Variants in TTYH1 observed in about 807,000 individuals in gnomAD.
The protein encoded by TTYH1 is protein tweety homolog 1.
A neutral mutation model predicts 61.2 loss-of-function variants in TTYH1; 33 were observed. That is an observed-to-expected ratio of 0.54 (90% CI 0.41 to 0.72). TTYH1 has a LOEUF of 0.72. Among genes scored for constraint, TTYH1 ranks in the 30% least tolerant of loss-of-function variants. The probability of loss-of-function intolerance (pLI) is 0.00; values close to 1 mark genes in which losing one functional copy is unlikely to be tolerated. For missense variants in TTYH1, 538 were observed against 575.8 expected, an observed-to-expected ratio of 0.93 and a Z score of 0.67; for synonymous variants, 308 against 266.4, an observed-to-expected ratio of 1.16 and a Z score of -1.52.
At position 54,436,080 on chromosome 19, in the gene TTYH1, TCTC is replaced by T; in HGVS notation, c.1315-8_1315-6del. On this transcript the variant is annotated splice_polypyrimidine_tract_variant and splice_region_variant and intron_variant, in intron 12 of 13. Transcript: ENST00000376530. This position sits in a 1 kb window ranked among gnomAD's most constrained non-coding sequence, Gnocchi z 4.3. The stretch of plus-strand genomic sequence containing the variant: ...CCCTCCTCTCCCCCGCTACCCCGAA[TCTC>T]CTAGCAGGAATCCAAGCGCTTTGTG... 1 of 1,613,686 alleles carries T rather than the reference TCTC, an allele frequency of 6.2e-7. No individual in the cohort carries two copies. Among genetic ancestry groups the T allele is most frequent in the Non-Finnish European group, 8.5e-7 (1 of 1,179,716 alleles).
rs2083325268 is a variant in TTYH1 at position 54,426,663 on chromosome 19, C to T, written c.639-10C>T. 3 of 1,612,360 alleles carry T rather than the reference C, an allele frequency of 1.9e-6. No homozygotes were observed. Among genetic ancestry groups the T allele is most frequent in the Non-Finnish European group, 2.5e-6 (3 of 1,178,848 alleles). ...GTTTGTGGTTTCAGCCCTACCCTCTCCCCTCCCAGGTGGCTGGCCTACGTC... is the reference window on the plus strand; with the variant it reads ...GTTTGTGGTTTCAGCCCTACCCTCTTCCCTCCCAGGTGGCTGGCCTACGTC... On this transcript the variant is annotated splice_polypyrimidine_tract_variant and intron_variant, in intron 4 of 13. Coordinates refer to ENST00000376530, the MANE Select transcript of TTYH1 (RefSeq NM_020659.4).
rs753099742 is a variant in TTYH1 at position 54,416,806 on chromosome 19, G to C, written c.126+1128G>C. 1 of 1,294,066 alleles carries C rather than the reference G, an allele frequency of 7.7e-7. No homozygotes were observed. The highest frequency in any genetic ancestry group is 1.2e-5 in the South Asian group (1 of 81,014). The allele number at this position is 1,294,066 out of a possible 1,614,324, so 80.2% of individuals were successfully genotyped here. On this transcript the variant is annotated intron_variant, in intron 1 of 13. Transcript: ENST00000376530. The surrounding 1 kb of genome is among the most constrained non-coding windows in gnomAD (Gnocchi z 7.0). ...GCCCACAGCCTCGCGGTTACACAAC[G>C]GCCACCTCCAACAACGCCGCTCCAC...
At chr19:54,427,472 CGG>C (rs2083347459) in intron 5 of TTYH1, among the ~76,000 whole-genome samples, 1 of 150,906 alleles carries the variant, frequency 6.6e-6, no homozygotes, top group African/African-American at 2.4e-5. Flanking sequence ...GGCGTGGTGG[CGG>C]GCGCCTATAG....
chr19:54,426,890 A>T (rs1263928648), intron 5 of TTYH1, 122 bp downstream of exon 5: 8 of 853,938 alleles, frequency 9.4e-6, no homozygotes, highest in Non-Finnish European at 7.2e-6. Context: ...ACACACGAAG[A>T]AAAGAGAGTC....
At chr19:54,430,470 C>T (rs1319711835) in intron 7 of TTYH1, 80 bp from the exon 8 acceptor site, 1 of 1,511,156 alleles carries the variant, frequency 6.6e-7, no homozygotes, top group African/African-American at 1.4e-5. Flanking sequence ...CCTGCTAACC[C>T]CCCAGTGCCC....
Position 54,416,174 on chromosome 19 carries a change from T to C in TTYH1, c.126+496T>C, listed in dbSNP as rs753827472. 1.3e-4 allele frequency: 115 copies of C among 853,678 alleles called. No homozygotes were observed. The highest frequency in any genetic ancestry group is 2.7e-4 in the Middle Eastern group (1 of 3,710). The allele number at this position is 853,678 out of a possible 1,614,324, so 52.9% of individuals were successfully genotyped here. On this transcript the variant is annotated intron_variant, in intron 1 of 13. Coordinates refer to ENST00000376530, the MANE Select transcript of TTYH1 (RefSeq NM_020659.4). This position sits in a 1 kb window ranked among gnomAD's most constrained non-coding sequence, Gnocchi z 7.0. The stretch of plus-strand genomic sequence containing the variant: ...CTGGGATGGGATTGAGAGTCTGAAA[T>C]GGGGAAGGGGGCTTCAGGGGCTGAG...
rs3745433 is a variant in TTYH1, at chr19:54,419,257, G to A, written c.256G>A (p.Gly86Arg). Reference protein sequence around the residue: ...EPPGSKIPSPGGGCVTWSCIV... With the variant: ...EPPGSKIPSPRGGCVTWSCIV... ...CCCCGGGTCCAAGATCCCCTCGCCC[G>A]GGGGAGGCTGCGTCACCTGGAGCTG... Residue 86 changes from glycine to arginine, a missense_variant, in exon 2 of 14, where the codon GGG becomes AGG. Coordinates refer to ENST00000376530, the MANE Select transcript of TTYH1 (RefSeq NM_020659.4). The surrounding 1 kb of genome is among the most constrained non-coding windows in gnomAD (Gnocchi z 6.1). The A allele has an allele frequency of 2.7e-4, 438 of 1,606,370 alleles. 3 individuals carry two copies. In the East Asian group the frequency reaches 5.2e-3, roughly 19 times the overall value.
In TTYH1 at chr19:54,420,916, AAGGGTGTGGGGC is replaced by A; in HGVS notation, c.306-357_306-346del. On this transcript the variant is annotated intron_variant, in intron 2 of 13. Coordinates refer to ENST00000376530, the MANE Select transcript of TTYH1 (RefSeq NM_020659.4). The surrounding 1 kb of genome is among the most constrained non-coding windows in gnomAD (Gnocchi z 4.8). Reference sequence around the variant, plus strand: ...GCCTGCCTGGCAAAGGATGCGGGGGAAGGGTGTGGGGCAGGCAGTCCTAGGGAGGGGAAGACG... The same window carrying A: ...GCCTGCCTGGCAAAGGATGCGGGGGAAGGCAGTCCTAGGGAGGGGAAGACG... 3.0e-6 allele frequency: 1 copy of A among 330,472 alleles called. No individual in the cohort carries two copies. Among genetic ancestry groups the A allele is most frequent in the Non-Finnish European group, 6.2e-6 (1 of 162,218 alleles). 20.5% of individuals were successfully genotyped at this position (330,472 alleles called of 1,614,324 possible).
Position 54,434,012 on chromosome 19 carries a change from G to A in TTYH1, c.1126-1530G>A, listed in dbSNP as rs771159066. 2.6e-5 allele frequency among the ~76,000 whole-genome samples: 4 copies of A among 152,050 alleles called. No individual in the cohort carries two copies. Among genetic ancestry groups the A allele is most frequent in the Non-Finnish European group, 4.4e-5 (3 of 68,020 alleles). On this transcript the variant is annotated intron_variant, in intron 10 of 13. Transcript: ENST00000376530. This position sits in a 1 kb window ranked among gnomAD's most constrained non-coding sequence, Gnocchi z 4.3. ...CAGGTCCGTACCCCAACCCTCACTG[G>A]CTTAGTAACAGACACCCCACCTCAA...
chr19:54,436,141 C>G lies in TTYH1; in HGVS notation c.*12C>G. On this transcript the variant is annotated 3_prime_UTR_variant, in exon 13 of 14. Coordinates refer to ENST00000376530, the MANE Select transcript of TTYH1 (RefSeq NM_020659.4). This position sits in a 1 kb window ranked among gnomAD's most constrained non-coding sequence, Gnocchi z 4.3. ...AGTCGTCTATCTGAGCCCCTCCTCC[C>G]GGCTGGACTGGAGCCTGGCTCCCCT... 2.5e-6 allele frequency: 4 copies of G among 1,614,134 alleles called. No individual in the cohort carries two copies. The highest frequency in any genetic ancestry group is 3.4e-6 in the Non-Finnish European group (4 of 1,179,980).
intron 5 of TTYH1, among the ~76,000 whole-genome samples, chr19:54,427,327 T>C (rs113072192): frequency 0.36 from 35,991 of 99,524 alleles, 7,076 homozygotes; most frequent in Non-Finnish European, 0.4. Context: ...AAAAAAAGGC[T>C]GGGCGTGGTG....
In TTYH1 at chr19:54,416,249, G is replaced by T. The variant is rs1361520048; in HGVS notation, c.126+571G>T. On this transcript the variant is annotated intron_variant, in intron 1 of 13. Transcript: ENST00000376530. The surrounding 1 kb of genome is among the most constrained non-coding windows in gnomAD (Gnocchi z 7.0). ...CTCTGGGAGAGGAAGCTTCTTGCCCGTCCCAAGAAAGAAGGGGTGGTCAGG... is the reference window on the plus strand; with the variant it reads ...CTCTGGGAGAGGAAGCTTCTTGCCCTTCCCAAGAAAGAAGGGGTGGTCAGG... 2 of 344,636 alleles carry T rather than the reference G, an allele frequency of 5.8e-6. No homozygotes were observed. The highest frequency in any genetic ancestry group is 5.8e-6 in the Non-Finnish European group (1 of 171,972). The allele number at this position is 344,636 out of a possible 1,614,324, so 21.3% of individuals were successfully genotyped here.
At position 54,435,829 on chromosome 19, in the gene TTYH1, G is replaced by A. The variant is rs768159304; in HGVS notation, c.1270G>A (p.Asp424Asn). The A allele has an allele frequency of 1.2e-6, 2 of 1,613,650 alleles. No individual in the cohort carries two copies. Among genetic ancestry groups the A allele is most frequent in the Admixed American group, 1.7e-5 (1 of 60,022 alleles). ...GCCATGCCCCGCATCAAACCCCAGT[G>A]ACGACTACGATGACACAGACGATGA... ...PRAWALFPPSDDYDDTDDDDP... is the reference protein window; with the variant it reads ...PRAWALFPPSNDYDDTDDDDP... The change falls in exon 12 of 14, where the codon GAC (aspartate) becomes AAC (asparagine). Residue 424 changes from aspartate to asparagine, a missense_variant and splice_region_variant. Asp to Asn is a conservative substitution (Grantham distance 23). Around this residue, in one of 3 missense-constraint regions of TTYH1, gnomAD observed 378 missense variants for 401.2 expected, o/e 0.94. Coordinates refer to ENST00000376530, the MANE Select transcript of TTYH1 (RefSeq NM_020659.4).
Position 54,415,628 on chromosome 19 carries a change from C to T in TTYH1, c.76C>T (p.Leu26Phe). The T allele has an allele frequency of 1.3e-6, 2 of 1,566,774 alleles. No homozygotes were observed. Among genetic ancestry groups the T allele is most frequent in the African/African-American group, 1.4e-5 (1 of 73,510 alleles). The change falls in exon 1 of 14, where the codon CTC becomes TTC. Residue 26 changes from leucine (L) to phenylalanine (F), a missense_variant. By Grantham distance (22) the Leu-to-Phe change is conservative. Transcript: ENST00000376530. The surrounding 1 kb of genome is among the most constrained non-coding windows in gnomAD (Gnocchi z 5.2). ...LHQLPRADFQ[L>F]RPVPSVFAPQ... ...CCAGCTGCCCCGCGCCGACTTCCAG[C>T]TCCGCCCGGTGCCCAGCGTTTTCGC...
intron 9 of TTYH1, 48 bp from the exon 10 acceptor site, chr19:54,431,051 G>A: frequency 1.3e-6 from 2 of 1,517,746 alleles, no homozygotes; most frequent in Non-Finnish European, 1.8e-6. Flanking sequence ...CAGGGCGATG[G>A]GCGGGCCTGA....
chr19:54,422,128 GCCTCGACCGCGGGCTC>G, intron 3 of TTYH1, 46 bp from the exon 4 acceptor site: 1 of 1,407,154 alleles, frequency 7.1e-7, no homozygotes, highest in East Asian at 2.5e-5. Flanking sequence ...AAAACCCCAT[GCCTCGACCGCGGGCTC>G]CCCCCAGGAT....
intron 4 of TTYH1, among the ~76,000 whole-genome samples, chr19:54,423,472 CTATT>C (rs1479730573): frequency 2.6e-5 from 4 of 152,022 alleles, no homozygotes; most frequent in African/African-American, 9.7e-5. Context: ...TTGTTCAGCA[CTATT>C]TATTTAGCAC....
chr19:54,418,491 T>G (rs1403208177), intron 1 of TTYH1: 8 of 152,394 alleles, frequency 5.2e-5, no homozygotes, highest in African/African-American at 1.9e-4. Context: ...CCTCCATCTC[T>G]CTCTCTCTCT....
At position 54,421,560 on chromosome 19, in the gene TTYH1, G is replaced by C. The variant is rs773535914; in HGVS notation, c.417+172G>C. Among the ~76,000 whole-genome samples, 5 of 149,532 alleles carry C rather than the reference G, an allele frequency of 3.3e-5. No homozygotes were observed. In the South Asian group the frequency reaches 1.1e-3, roughly 31 times the overall value. ...ACCTCAGACTATCCACCCAACCCCC[G>C]ACCCTGGCTGCAAATTGAGGACCTC... On this transcript the variant is annotated intron_variant, in intron 3 of 13. Coordinates refer to ENST00000376530, the MANE Select transcript of TTYH1 (RefSeq NM_020659.4). This position sits in a 1 kb window ranked among gnomAD's most constrained non-coding sequence, Gnocchi z 4.8.
Sources: allele counts gnomAD v4.1 joint callset (sites outside exome capture counted in the v4.1 genomes callset), GRCh38; gene constraint gnomAD v4.1.1; regional missense constraint gnomAD v4.1.1; non-coding constraint Gnocchi (gnomAD v3.1); transcripts MANE v1.5; gene names NCBI Gene and HGNC (gene_info 2026-07-23, HGNC 2026-07-21).